The following FBXO47 variants were observed in gnomAD, a reference collection of about 807,000 sequenced individuals.
The protein encoded by FBXO47 is F-box only protein 47.
Under a neutral mutation model 53.9 loss-of-function variants are expected in FBXO47, and 34 were observed. The ratio of observed to expected loss-of-function variants is 0.63; its 90% CI spans 0.48 to 0.84. The LOEUF (loss-of-function observed/expected upper bound fraction) is 0.84, where lower values mean the gene tolerates loss of function less well. Ranked by LOEUF, FBXO47 falls within the 40% of genes least tolerant of loss-of-function variation. The pLI is 0.00. For missense variants in FBXO47, 485 were observed against 541.3 expected (o/e 0.90, Z 1.03); for synonymous variants, 165 against 181.6 (o/e 0.91, Z 0.73).
intron 3 of FBXO47, among the ~76,000 whole-genome samples, chr17:38,958,293 T>C (rs1350137279): frequency 6.6e-6 from 1 of 152,070 alleles, no homozygotes; most frequent in Admixed American, 6.6e-5. Flanking sequence ...TGTGTATCCC[T>C]CTCTCCAAAT....
At chr17:38,946,057 A>C (rs1220047255) in intron 6 of FBXO47, among the ~76,000 whole-genome samples, 1 of 132,398 alleles carries the variant, frequency 7.6e-6, no homozygotes, top group Non-Finnish European at 1.5e-5. Flanking sequence ...AAAATATATA[A>C]ATACATAAAT....
At chr17:38,949,196 C>T (rs1905081012) in intron 6 of FBXO47, among the ~76,000 whole-genome samples, 1 of 151,978 alleles carries the variant, frequency 6.6e-6, no homozygotes, top group South Asian at 2.1e-4. Context: ...ACAGGCAGAT[C>T]ACTTGAGCCC....
intron 6 of FBXO47, among the ~76,000 whole-genome samples, chr17:38,950,908 ATTTTT>A (rs1431706848): frequency 6.6e-6 from 1 of 151,238 alleles, no homozygotes; most frequent in African/African-American, 2.4e-5. Flanking sequence ...AATTTATTTT[ATTTTT>A]ATTTCTTTTG....
intron 5 of FBXO47, among the ~76,000 whole-genome samples, chr17:38,953,001 G>A (rs1465261483): frequency 6.6e-6 from 1 of 151,524 alleles, no homozygotes; most frequent in Non-Finnish European, 1.5e-5. Flanking sequence ...CATTGGCTGG[G>A]CACAGCAGCT....
intron 4 of FBXO47, among the ~76,000 whole-genome samples, chr17:38,955,391 A>C (rs895163114): frequency 1.3e-5 from 2 of 151,114 alleles, no homozygotes; most frequent in African/African-American, 4.8e-5. Flanking sequence ...CCATCTCAAA[A>C]AAAAAAAAAA....
chr17:38,944,872 A>G lies in FBXO47; in HGVS notation c.793+88T>C, dbSNP rs550210359. The G allele has an allele frequency of 9.6e-4, 563 of 585,102 alleles. 4 individuals carry two copies. In the African/African-American group the frequency reaches 0.014, roughly 15 times the overall value. The allele number at this position is 585,102 out of a possible 1,614,324, so 36.2% of individuals were successfully genotyped here. A position where few individuals can be genotyped will look rare whatever the true frequency, so the allele number is the denominator to read the frequency against. On this transcript the variant is annotated intron_variant, in intron 7 of 10. Coordinates refer to ENST00000378079, the MANE Select transcript of FBXO47 (RefSeq NM_001008777.3). ...CATGTGTGTGTGTGTGTGTGTGTGT[A>G]TAATATATGCTTCCTAAATATATAT...
chr17:38,940,498 T>C (rs991954179), intron 9 of FBXO47, among the ~76,000 whole-genome samples: 3 of 151,810 alleles, frequency 2.0e-5, no homozygotes, highest in Non-Finnish European at 4.4e-5. Flanking sequence ...CTTCCTTACC[T>C]AGCCTCTCCC....
intron 9 of FBXO47, among the ~76,000 whole-genome samples, chr17:38,942,059 C>T (rs1781447218): frequency 6.6e-6 from 1 of 152,112 alleles, no homozygotes; most frequent in Admixed American, 6.6e-5. Flanking sequence ...TCCCAGTACT[C>T]ATTTCCCAGT....
At chr17:38,952,674 T>G (rs1423612560) in intron 5 of FBXO47, among the ~76,000 whole-genome samples, 2 of 152,112 alleles carry the variant, frequency 1.3e-5, no homozygotes, top group East Asian at 3.9e-4. Flanking sequence ...GAACACAGTT[T>G]AGATATTTCA....
intron 1 of FBXO47, among the ~76,000 whole-genome samples, chr17:38,965,899 A>T (rs1906093032): frequency 6.7e-6 from 1 of 149,810 alleles, no homozygotes; most frequent in Admixed American, 6.7e-5. Flanking sequence ...AAAAAAAAAT[A>T]ATTACACAAA....
chr17:38,946,625 T>TATATGAATATATAAATATATATAAATAA lies in FBXO47; in HGVS notation c.617-1490_617-1489insTTATTTATATATATTTATATATTCATAT, dbSNP rs1458510750. 9.0e-4 allele frequency among the ~76,000 whole-genome samples: 55 copies of TATATGAATATATAAATATATATAAATAA among 60,958 alleles called. 3 individuals carry two copies. The highest frequency in any genetic ancestry group is 0.04 in the Middle Eastern group (2 of 50). The allele number at this position is 60,958 out of a possible 152,430, so 40.0% of individuals were successfully genotyped here. A position where few individuals can be genotyped will look rare whatever the true frequency, so the allele number is the denominator to read the frequency against. On this transcript the variant is annotated intron_variant, in intron 6 of 10. Coordinates refer to ENST00000378079, the MANE Select transcript of FBXO47 (RefSeq NM_001008777.3). ...ATGAATATATATAACTATATAAATATATATGAATATATAAATATATATAAA... is the reference window on the plus strand; with the variant it reads ...ATGAATATATATAACTATATAAATATATATGAATATATAAATATATATAAATAAATATGAATATATAAATATATATAAA...
At chr17:38,963,593 T>C (rs575538245) in intron 1 of FBXO47, among the ~76,000 whole-genome samples, 66 of 152,260 alleles carry the variant, frequency 4.3e-4, no homozygotes, top group African/African-American at 1.5e-3. Flanking sequence ...TAGAAAAACA[T>C]TACTATGAAA....
At chr17:38,946,345 TATATAA>T (rs1439135340) in intron 6 of FBXO47, among the ~76,000 whole-genome samples, 2 of 93,504 alleles carry the variant, frequency 2.1e-5, no homozygotes, top group South Asian at 3.6e-4. Flanking sequence ...TATATATAAA[TATATAA>T]ATATATATAA....
chr17:38,955,355 T>A (rs1000328881), intron 4 of FBXO47, among the ~76,000 whole-genome samples: 4 of 148,112 alleles, frequency 2.7e-5, no homozygotes, highest in Non-Finnish European at 4.5e-5. Context: ...GCCATGGCAC[T>A]CCAGCCTGGG....
chr17:38,962,645 A>T (rs1905870390), intron 2 of FBXO47, among the ~76,000 whole-genome samples, 200 bp downstream of exon 2: 1 of 148,832 alleles, frequency 6.7e-6, no homozygotes, highest in African/African-American at 2.4e-5. Flanking sequence ...TAATAGTAAT[A>T]ATAATAATTA....
At chr17:38,957,345 T>C (rs930115887) in intron 3 of FBXO47, 92 bp from the exon 4 acceptor site, 27 of 887,806 alleles carry the variant, frequency 3.0e-5, no homozygotes, top group African/African-American at 1.3e-4. Context: ...AAGTCAAGTA[T>C]GGTATATCAC....
chr17:38,938,610 T>C lies in FBXO47; in HGVS notation c.1206A>G (p.Ala402=). 6.2e-7 allele frequency: 1 copy of C among 1,613,532 alleles called. No individual in the cohort carries two copies. ...NFLQNVANAF[A]CVIMEMLQSI... ...ATTGCAGCATTTCCATTATAACACATGCAAATGCATTTGCCACATTCTGCA... is the reference window on the plus strand; with the variant it reads ...ATTGCAGCATTTCCATTATAACACACGCAAATGCATTTGCCACATTCTGCA... The change falls in exon 10 of 11, where the codon GCA becomes GCG. Residue 402 remains alanine (A), a synonymous_variant. Coordinates refer to ENST00000378079, the MANE Select transcript of FBXO47 (RefSeq NM_001008777.3).
At chr17:38,950,054 T>C (rs1905172447) in intron 6 of FBXO47, among the ~76,000 whole-genome samples, 2 of 152,174 alleles carry the variant, frequency 1.3e-5, no homozygotes, top group African/African-American at 2.4e-5. Context: ...TCTAACCATT[T>C]TTAAGTACGC....
chr17:38,939,264 G>A (rs1395152431), intron 9 of FBXO47, among the ~76,000 whole-genome samples: 6 of 114,608 alleles, frequency 5.2e-5, no homozygotes. Flanking sequence ...CTGCACTCCA[G>A]CCTGGGGGAC....
Sources: gnomAD v4.1 joint callset for allele counts (sites outside exome capture counted in the v4.1 genomes callset) on GRCh38, gnomAD v4.1.1 for gene constraint, MANE v1.5 for transcripts, NCBI Gene and HGNC (gene_info 2026-07-23, HGNC 2026-07-21) for gene names.